Variants in MYO1E observed in about 807,000 individuals in gnomAD.
The protein encoded by MYO1E is myosin IE.
In MYO1E, 68 loss-of-function variants were observed where a neutral mutation model predicts 151.1. The ratio of observed to expected loss-of-function variants is 0.45; its 90% CI spans 0.37 to 0.55. The LOEUF is 0.55. Ranked by LOEUF, MYO1E falls within the 20% of genes least tolerant of loss-of-function variation. The pLI, the probability that MYO1E is intolerant of heterozygous loss-of-function variation, is 0.00. For missense variants in MYO1E, 1,363 were observed against 1,389.3 expected, an observed-to-expected ratio of 0.98 and a Z score of 0.30; for synonymous variants, 601 against 501.7, an observed-to-expected ratio of 1.20 and a Z score of -2.64.
chr15:59,155,608 C>G (rs1397563234), intron 25 of MYO1E, among the ~76,000 whole-genome samples: 1 of 152,174 alleles, frequency 6.6e-6, no homozygotes. Context: ...GGCCAGTGAG[C>G]TTTCCAGGTG....
Position 59,208,795 on chromosome 15 carries a change from C to T in MYO1E, c.1416G>A (p.Ala472=), listed in dbSNP as rs564899884. 29 of 1,614,118 alleles carry T rather than the reference C, an allele frequency of 1.8e-5. No homozygotes were observed. Among genetic ancestry groups the T allele is most frequent in the South Asian group, 4.4e-5 (4 of 91,088 alleles). The change falls in exon 14 of 28, where the codon GCG becomes GCA. Residue 472 remains alanine, a synonymous_variant. Transcript: ENST00000288235. ...ILDDVCATMH[A]VGEGADQTLL... is the part of the protein sequence containing the mutation. ...GCGTCTGATCTGCCCCCTCACCCAC[C>T]GCATGCATCGTGGCGCACACGTCAT...
Position 59,153,799 on chromosome 15 carries a change from G to C in MYO1E, c.2879-8C>G, listed in dbSNP as rs754710606. ...CTCCGTTCTGATGGTATCCTAGAGA[G>C]AGGAACAGAGAAGGAAATAAGGCTC... On this transcript the variant is annotated splice_polypyrimidine_tract_variant and splice_region_variant and intron_variant, in intron 25 of 27. Transcript: ENST00000288235. 1.9e-6 allele frequency: 3 copies of C among 1,609,800 alleles called. No homozygotes were observed. The highest frequency in any genetic ancestry group is 1.7e-6 in the Non-Finnish European group (2 of 1,176,106).
At chr15:59,216,462 A>G (rs2079914853) in intron 10 of MYO1E, among the ~76,000 whole-genome samples, 1 of 151,628 alleles carries the variant, frequency 6.6e-6, no homozygotes, top group South Asian at 2.1e-4. Context: ...TTTACCATTT[A>G]GAGGCTACAG....
intron 9 of MYO1E, among the ~76,000 whole-genome samples, chr15:59,220,275 C>A (rs1375454316): frequency 6.6e-6 from 1 of 152,124 alleles, no homozygotes; most frequent in Non-Finnish European, 1.5e-5. Flanking sequence ...GTGGCAAAAC[C>A]CCATCTCTAC....
chr15:59,295,472 T>A (rs891652356), intron 1 of MYO1E, among the ~76,000 whole-genome samples: 10 of 152,136 alleles, frequency 6.6e-5, no homozygotes, highest in Admixed American at 5.9e-4. Flanking sequence ...GGCTGAGTAC[T>A]TGGCACTACA....
At position 59,282,817 on chromosome 15, in the gene MYO1E, C is replaced by T. The variant is rs72746863; in HGVS notation, c.4-10368G>A. On this transcript the variant is annotated intron_variant, in intron 1 of 27. Coordinates refer to ENST00000288235, the MANE Select transcript of MYO1E (RefSeq NM_004998.4). ...GAGCCGTGACTGCGTTACTGCACTA[C>T]AGCCTGCGTAACAGAGCAAGACAAA... is the stretch of plus-strand genomic sequence containing the variant. 3.5e-3 allele frequency among the ~76,000 whole-genome samples: 481 copies of T among 135,578 alleles called. 4 individuals carry two copies. The highest frequency in any genetic ancestry group is 7.2e-3 in the Admixed American group (95 of 13,210). 88.9% of individuals were successfully genotyped at this position (135,578 alleles called of 152,430 possible).
intron 4 of MYO1E, among the ~76,000 whole-genome samples, chr15:59,240,821 T>C (rs2080095309): frequency 6.6e-6 from 1 of 152,192 alleles, no homozygotes; most frequent in African/African-American, 2.4e-5. Flanking sequence ...GACAAACACT[T>C]AAAACAAAAA....
chr15:59,249,651 T>C (rs2140366309), intron 4 of MYO1E, among the ~76,000 whole-genome samples: 1 of 152,184 alleles, frequency 6.6e-6, no homozygotes, highest in Admixed American at 6.5e-5. Context: ...CCATAGAAAT[T>C]AGGTCATCGC....
At chr15:59,154,273 A>G (rs748388720) in intron 25 of MYO1E, among the ~76,000 whole-genome samples, 1 of 152,220 alleles carries the variant, frequency 6.6e-6, no homozygotes, top group Non-Finnish European at 1.5e-5. Flanking sequence ...CGAGGGGTCA[A>G]TCTTGGGCAT....
At chr15:59,349,768 T>C (rs1186308243) in intron 1 of MYO1E, among the ~76,000 whole-genome samples, 1 of 152,214 alleles carries the variant, frequency 6.6e-6, no homozygotes, top group Non-Finnish European at 1.5e-5. Flanking sequence ...GTGTCTGTTT[T>C]CTTGAACCAT....
chr15:59,274,179 T>A (rs1267465342), intron 1 of MYO1E, among the ~76,000 whole-genome samples: 1 of 152,192 alleles, frequency 6.6e-6, no homozygotes, highest in Admixed American at 6.5e-5. Flanking sequence ...TACAGTGTCA[T>A]GGGCTCCTGC....
At chr15:59,262,388 G>A (rs1225409346) in intron 2 of MYO1E, among the ~76,000 whole-genome samples, 1 of 151,998 alleles carries the variant, frequency 6.6e-6, no homozygotes, top group African/African-American at 2.4e-5. Flanking sequence ...AAGGCCAAGG[G>A]GGTGGATCGC....
intron 18 of MYO1E, among the ~76,000 whole-genome samples, chr15:59,185,061 C>G (rs1394966493): frequency 2.0e-5 from 3 of 152,128 alleles, no homozygotes; most frequent in Non-Finnish European, 4.4e-5. Flanking sequence ...TTTTCATATG[C>G]CTGTCTGCCA....
At chr15:59,140,833 G>T (rs905522396) in intron 26 of MYO1E, among the ~76,000 whole-genome samples, 4 of 152,120 alleles carry the variant, frequency 2.6e-5, no homozygotes, top group Non-Finnish European at 4.4e-5. Flanking sequence ...ACCACCCCAC[G>T]TGGGAGGGAG....
At chr15:59,140,066 TTG>T (rs71425844) in intron 26 of MYO1E, among the ~76,000 whole-genome samples, 47,378 of 150,000 alleles carry the variant, frequency 0.32, 7,653 homozygotes, top group Middle Eastern at 0.41. Context: ...GAATTCTCTG[TTG>T]TGTGTGTGTG....
chr15:59,140,818 T>C (rs1272347121), intron 26 of MYO1E, among the ~76,000 whole-genome samples: 1 of 152,056 alleles, frequency 6.6e-6, no homozygotes, highest in Non-Finnish European at 1.5e-5. Flanking sequence ...AGACTCGGCT[T>C]TTACACCACC....
At chr15:59,337,540 A>G (rs2080736691) in intron 1 of MYO1E, among the ~76,000 whole-genome samples, 1 of 152,214 alleles carries the variant, frequency 6.6e-6, no homozygotes, top group Admixed American at 6.5e-5. Flanking sequence ...AGTCAAAAAT[A>G]TTTCGCTCGG....
chr15:59,240,323 T>C (rs2080092070), intron 4 of MYO1E, among the ~76,000 whole-genome samples: 1 of 152,312 alleles, frequency 6.6e-6, no homozygotes. Context: ...ATCAAAGTCA[T>C]AACAGACTTT....
rs550624864 is a variant in MYO1E at position 59,320,099 on chromosome 15, A to C, written c.4-47650T>G. ...CAATAGCAAAAAAACTAAAATACTT[A>C]GGAATACATCTAACCAAGGAGGTGA... On this transcript the variant is annotated intron_variant, in intron 1 of 27. Transcript: ENST00000288235. Among the ~76,000 whole-genome samples the C allele has an allele frequency of 4.6e-5, 7 of 152,340 alleles. No homozygotes were observed. The South Asian group carries it at 1.2e-3, about 27-fold the overall frequency.
Sources: gnomAD v4.1 joint callset for allele counts (sites outside exome capture counted in the v4.1 genomes callset) on GRCh38, gnomAD v4.1.1 for gene constraint, MANE v1.5 for transcripts, NCBI Gene and HGNC (gene_info 2026-07-23, HGNC 2026-07-21) for gene names.